The following MAP4K3 variants were observed in gnomAD, a reference collection of about 807,000 sequenced individuals.
MAP4K3 encodes MAPK/ERK kinase kinase kinase 3.
A neutral mutation model predicts 143.5 loss-of-function variants in MAP4K3; 94 were observed. That is an observed-to-expected ratio of 0.65 (90% CI 0.55 to 0.78). MAP4K3 has a LOEUF of 0.78. Among genes scored for constraint, MAP4K3 ranks in the 30% least tolerant of loss-of-function variants. MAP4K3 has a pLI of 0.00. For missense variants in MAP4K3, 1,077 were observed against 1,068.1 expected (o/e 1.01, Z -0.12); for synonymous variants, 416 against 347.2 (o/e 1.20, Z -2.20).
intron 1 of MAP4K3, among the ~76,000 whole-genome samples, chr2:39,414,986 T>C (rs929461042): frequency 3.3e-5 from 5 of 152,188 alleles, no homozygotes; most frequent in Non-Finnish European, 4.4e-5. Context: ...ACCAACTTCA[T>C]AGAGAATCTT....
intron 1 of MAP4K3, among the ~76,000 whole-genome samples, chr2:39,385,314 G>A (rs1666467971): frequency 6.6e-6 from 1 of 151,902 alleles, no homozygotes; most frequent in Non-Finnish European, 1.5e-5. Flanking sequence ...CGCATGGTGG[G>A]GTTCCACTTG....
At chr2:39,395,365 A>T (rs894769451) in intron 1 of MAP4K3, among the ~76,000 whole-genome samples, 1 of 151,922 alleles carries the variant, frequency 6.6e-6, no homozygotes, top group Non-Finnish European at 1.5e-5. Flanking sequence ...ACACATTTTT[A>T]AAATAATGGT....
chr2:39,293,094 G>A (rs1400305615), intron 17 of MAP4K3, 136 bp downstream of exon 17: 1 of 737,496 alleles, frequency 1.4e-6, no homozygotes, highest in Non-Finnish European at 2.3e-6. Context: ...TCCAGCCTGG[G>A]CAACAGAGCG....
intron 12 of MAP4K3, among the ~76,000 whole-genome samples, chr2:39,324,856 A>C (rs1187468526): frequency 6.6e-6 from 1 of 152,242 alleles, no homozygotes; most frequent in Non-Finnish European, 1.5e-5. Context: ...TATTAGAATT[A>C]TTTTATTAAC....
At chr2:39,300,349 T>A (rs1682458310) in intron 15 of MAP4K3, among the ~76,000 whole-genome samples, 1 of 152,246 alleles carries the variant, frequency 6.6e-6, no homozygotes, top group Non-Finnish European at 1.5e-5. Context: ...CTTTTAATAA[T>A]TTTTTAAGCA....
chr2:39,273,552 A>G (rs1681124850), intron 24 of MAP4K3, among the ~76,000 whole-genome samples: 1 of 152,246 alleles, frequency 6.6e-6, no homozygotes, highest in African/African-American at 2.4e-5. Flanking sequence ...TGAATGATGA[A>G]ACACATCAAG....
chr2:39,359,744 G>A (rs1665713232), intron 2 of MAP4K3, among the ~76,000 whole-genome samples: 2 of 152,242 alleles, frequency 1.3e-5, no homozygotes, highest in Admixed American at 1.3e-4. Context: ...CCACGTGGAA[G>A]CTGCCAGGCT....
intron 1 of MAP4K3, among the ~76,000 whole-genome samples, chr2:39,416,879 T>C (rs1402197013): frequency 6.6e-6 from 1 of 152,236 alleles, no homozygotes; most frequent in Non-Finnish European, 1.5e-5. Flanking sequence ...TGCCATTTAC[T>C]AGCTGTGGAG....
chr2:39,399,709 A>C (rs1205852404), intron 1 of MAP4K3, among the ~76,000 whole-genome samples: 2 of 152,242 alleles, frequency 1.3e-5, no homozygotes, highest in Non-Finnish European at 2.9e-5. Context: ...GAGAATCAGA[A>C]TCTAAGTCAC....
chr2:39,309,548 A>ATTT (rs749101883), intron 13 of MAP4K3, 29 bp from the exon 14 acceptor site: 32,267 of 332,620 alleles, frequency 0.097, 1,990 homozygotes, highest in Non-Finnish European at 0.11. Flanking sequence ...TAAAACCAGG[A>ATTT]TTTTTTTTTT....
Position 39,325,920 on chromosome 2 carries a change from T to C in MAP4K3, c.704A>G (p.Lys235Arg). The part of the protein sequence containing the change: ...LMTKSNFQPP[K>R]LKDKMKWSNS... ...TTACCATTTCATTTTATCCTTTAGT[T>C]TAGGAGGCTGAAAATTGCTTTTTGT... Residue 235 changes from lysine (K) to arginine (R), a missense_variant, in exon 10 of 34, where the codon AAA becomes AGA. Physicochemically the swap from Lys to Arg is conservative, Grantham distance 26 (BLOSUM62 2). This residue lies in a region of MAP4K3 where 864 missense variants were observed against 801.2 expected (regional missense o/e 1.08). Transcript: ENST00000263881. 1 of 1,595,934 alleles carries C rather than the reference T, an allele frequency of 6.3e-7. No homozygotes were observed. The highest frequency in any genetic ancestry group is 1.3e-5 in the African/African-American group (1 of 74,494).
intron 2 of MAP4K3, among the ~76,000 whole-genome samples, chr2:39,363,088 G>C (rs1049102804): frequency 6.6e-6 from 1 of 152,076 alleles, no homozygotes; most frequent in African/African-American, 2.4e-5. Context: ...TTAAATGCAA[G>C]GCCTGAAACC....
At chr2:39,434,684 T>TAG (rs1475752022) in intron 1 of MAP4K3, among the ~76,000 whole-genome samples, 4 of 152,238 alleles carry the variant, frequency 2.6e-5, no homozygotes, top group Non-Finnish European at 4.4e-5. Context: ...AGTCCCTAAT[T>TAG]GGTTCAAATT....
intron 8 of MAP4K3, among the ~76,000 whole-genome samples, chr2:39,331,642 A>T (rs1056934718): frequency 6.6e-6 from 1 of 152,156 alleles, no homozygotes; most frequent in Non-Finnish European, 1.5e-5. Context: ...GTACAGGAAA[A>T]AGAGTCAGGA....
intron 16 of MAP4K3, among the ~76,000 whole-genome samples, chr2:39,298,763 C>G (rs963041734): frequency 1.3e-5 from 2 of 151,888 alleles, no homozygotes; most frequent in Non-Finnish European, 2.9e-5. Context: ...GCCAGGAGTT[C>G]GAGACCAGCC....
chr2:39,394,795 C>G (rs990554438), intron 1 of MAP4K3, among the ~76,000 whole-genome samples: 1 of 152,074 alleles, frequency 6.6e-6, no homozygotes, highest in African/African-American at 2.4e-5. Flanking sequence ...AACAGAAAAA[C>G]GCCTGGCAGC....
chr2:39,380,857 T>C (rs576125889), intron 1 of MAP4K3, among the ~76,000 whole-genome samples: 9 of 152,302 alleles, frequency 5.9e-5, no homozygotes, highest in South Asian at 2.1e-4. Flanking sequence ...CACCCTTTCA[T>C]GGTGTATGAT....
chr2:39,326,471 A>G (rs1558648192), intron 8 of MAP4K3, among the ~76,000 whole-genome samples, 194 bp from the exon 9 acceptor site: 1 of 152,108 alleles, frequency 6.6e-6, no homozygotes, highest in Non-Finnish European at 1.5e-5. Flanking sequence ...CTCATTAGTA[A>G]CTTGCTTTTG....
intron 22 of MAP4K3, among the ~76,000 whole-genome samples, chr2:39,280,683 G>A (rs1197955283): frequency 6.6e-6 from 1 of 152,022 alleles, no homozygotes; most frequent in East Asian, 1.9e-4. Flanking sequence ...CATGTCAAGA[G>A]CAATACAATA....
Sources: allele counts gnomAD v4.1 joint callset (sites outside exome capture counted in the v4.1 genomes callset), GRCh38; gene constraint gnomAD v4.1.1; regional missense constraint gnomAD v4.1.1; transcripts MANE v1.5; gene names NCBI Gene and HGNC (gene_info 2026-07-23, HGNC 2026-07-21).